TULP4: variants seen among roughly 807,000 people sequenced by gnomAD.
TULP4 encodes tubby-related protein 4.
TULP4 carries 16 observed loss-of-function variants against 129.0 expected under a neutral mutation model. The observed-to-expected ratio is 0.12, with a 90% CI of 0.08 to 0.19. The LOEUF is 0.19. Among genes scored for constraint, TULP4 ranks in the 10% least tolerant of loss-of-function variants. The pLI is 1.00. For synonymous variants in TULP4, 998 were observed against 854.0 expected (o/e 1.17, Z -2.94); for missense variants, 1,842 against 2,059.1 (o/e 0.89, Z 2.04).
chr6:158,498,730 A>G lies in TULP4; in HGVS notation c.1932A>G (p.Glu644=), dbSNP rs777836825. 10 of 1,614,264 alleles carry G rather than the reference A, an allele frequency of 6.2e-6. No homozygotes were observed. Among genetic ancestry groups the G allele is most frequent in the Non-Finnish European group, 8.5e-6 (10 of 1,180,042 alleles). The change falls in exon 12 of 14, where the codon GAA becomes GAG. Residue 644 remains glutamate, a synonymous_variant. Transcript: ENST00000367097. ...GGCAGATGACCATTTATCTCCCAGAAGTTCGGAAAATTTCCATGGACTATA... is the reference window on the plus strand; with the variant it reads ...GGCAGATGACCATTTATCTCCCAGAGGTTCGGAAAATTTCCATGGACTATA... ...QPRQMTIYLP[E]VRKISMDYIN...
chr6:158,255,554 T>G (rs1244328946), intron 1 of TULP4, among the ~76,000 whole-genome samples: 1 of 152,154 alleles, frequency 6.6e-6, no homozygotes, highest in African/African-American at 2.4e-5. Flanking sequence ...ACTCTAAGAA[T>G]GGTGGCCTTT....
intron 1 of TULP4, among the ~76,000 whole-genome samples, chr6:158,347,802 C>A (rs1343744760): frequency 6.6e-6 from 1 of 152,154 alleles, no homozygotes; most frequent in African/African-American, 2.4e-5. Flanking sequence ...ACAAGTTATC[C>A]CTTCTCCACC....
intron 3 of TULP4, among the ~76,000 whole-genome samples, chr6:158,430,986 T>C (rs536948252): frequency 2.0e-4 from 31 of 152,240 alleles, no homozygotes; most frequent in African/African-American, 5.3e-4. Flanking sequence ...TTTCCATTTT[T>C]CAAGTAAAAA....
intron 1 of TULP4, among the ~76,000 whole-genome samples, chr6:158,285,280 AT>A (rs1432112185): frequency 6.6e-6 from 1 of 152,098 alleles, no homozygotes; most frequent in Non-Finnish European, 1.5e-5. Flanking sequence ...TTTATAACAA[AT>A]AATATGTTGT....
chr6:158,492,870 A>T (rs1441360777), intron 9 of TULP4, among the ~76,000 whole-genome samples: 2 of 152,222 alleles, frequency 1.3e-5, no homozygotes, highest in African/African-American at 2.4e-5. Context: ...TGTTACAAAT[A>T]AAGGGACTGA....
intron 1 of TULP4, among the ~76,000 whole-genome samples, chr6:158,274,637 T>C (rs985265745): frequency 8.6e-5 from 13 of 151,488 alleles, no homozygotes; most frequent in East Asian, 2.0e-4. Context: ...ATCAGCCGGG[T>C]GTGGTGGCGG....
At chr6:158,383,256 G>A (rs1216699821) in intron 1 of TULP4, among the ~76,000 whole-genome samples, 3 of 152,146 alleles carry the variant, frequency 2.0e-5, no homozygotes, top group African/African-American at 7.2e-5. Flanking sequence ...AGCTCCACCT[G>A]CCCAGTACAC....
chr6:158,477,202 T>C (rs1198038529), intron 6 of TULP4, among the ~76,000 whole-genome samples: 1 of 152,174 alleles, frequency 6.6e-6, no homozygotes, highest in Non-Finnish European at 1.5e-5. Context: ...GGTACAAAGA[T>C]ATAAGAGACA....
chr6:158,390,557 G>A lies in TULP4; in HGVS notation c.253-22508G>A, dbSNP rs1391135097. On this transcript the variant is annotated intron_variant, in intron 1 of 13. Transcript: ENST00000367097. Reference sequence around the variant, plus strand: ...TTTCAGAGGCCATTTATAGAGCGTGGTCCATACAAGAGTCTCCTAGATAAG... The same window carrying A: ...TTTCAGAGGCCATTTATAGAGCGTGATCCATACAAGAGTCTCCTAGATAAG... 2.6e-5 allele frequency among the ~76,000 whole-genome samples: 4 copies of A among 152,118 alleles called. No homozygotes were observed. In the South Asian group the frequency reaches 6.2e-4, roughly 24 times the overall value.
intron 1 of TULP4, among the ~76,000 whole-genome samples, chr6:158,297,418 G>A (rs1269533886): frequency 2.6e-5 from 4 of 152,048 alleles, no homozygotes; most frequent in South Asian, 4.1e-4. Flanking sequence ...TACAGTTAAC[G>A]CAATCATCAC....
chr6:158,423,408 G>A (rs1282389932), intron 2 of TULP4, among the ~76,000 whole-genome samples: 1 of 152,128 alleles, frequency 6.6e-6, no homozygotes, highest in Non-Finnish European at 1.5e-5. Flanking sequence ...ACAATGTAGA[G>A]CATATTTCAA....
chr6:158,331,321 C>G (rs182918748), intron 1 of TULP4, among the ~76,000 whole-genome samples: 30 of 152,230 alleles, frequency 2.0e-4, no homozygotes, highest in African/African-American at 6.3e-4. Context: ...TGTTCCCTAT[C>G]CACCCACCTA....
intron 1 of TULP4, among the ~76,000 whole-genome samples, chr6:158,403,275 C>T (rs1366502973): frequency 6.6e-6 from 1 of 152,174 alleles, no homozygotes; most frequent in East Asian, 1.9e-4. Flanking sequence ...CCTTCCCAAG[C>T]TGCAGTCTGT....
chr6:158,503,782 C>T lies in TULP4; in HGVS notation c.4119C>T (p.Ser1373=), dbSNP rs141694101. The T allele has an allele frequency of 1.2e-6, 2 of 1,614,000 alleles. No individual in the cohort carries two copies. The highest frequency in any genetic ancestry group is 1.6e-4 in the Middle Eastern group (1 of 6,084). ...TGAGTGACTTTAATTCCCTAATCTC[C>T]AGCCCACACCTGGGGAGAGAGAAGA... is the stretch of plus-strand genomic sequence containing the variant. ...RTLSDFNSLI[S]SPHLGREKKK... The change falls in exon 13 of 14, where the codon TCC becomes TCT. Residue 1373 remains serine, a synonymous_variant. Transcript: ENST00000367097. The surrounding 1 kb of genome is among the most constrained non-coding windows in gnomAD (Gnocchi z 4.3).
rs1234605828 is a variant in TULP4 at position 158,502,318 on chromosome 6, T to C, written c.2655T>C (p.Tyr885=). The part of the protein sequence containing the change: ...TSVHYQTPLG[Y]ERITTFDSSG... ...TGCACTACCAGACCCCCCTGGGCTA[T>C]GAGAGGATCACCACCTTCGACAGCA... Residue 885 remains tyrosine (Y), a synonymous_variant, in exon 13 of 14, where the codon TAT becomes TAC. Coordinates refer to ENST00000367097, the MANE Select transcript of TULP4 (RefSeq NM_020245.5). 2 of 1,612,960 alleles carry C rather than the reference T, an allele frequency of 1.2e-6. No homozygotes were observed. The highest frequency in any genetic ancestry group is 3.3e-5 in the Admixed American group (2 of 59,966).
intron 1 of TULP4, among the ~76,000 whole-genome samples, chr6:158,385,842 C>CTT (rs778595442): frequency 0.058 from 3,462 of 59,540 alleles, 618 homozygotes; most frequent in Non-Finnish European, 0.066. Context: ...TGTGGAATAT[C>CTT]TTTTTTTTTT....
intron 4 of TULP4, 81 bp from the exon 5 acceptor site, chr6:158,452,053 C>A (rs987848854): frequency 1.3e-6 from 2 of 1,573,014 alleles, no homozygotes; most frequent in Non-Finnish European, 1.7e-6. Context: ...TTCTAAGGCA[C>A]CATGCAAGAT....
At chr6:158,452,398 T>A (rs1339187387) in intron 5 of TULP4, 130 bp downstream of exon 5, 2 of 1,245,452 alleles carry the variant, frequency 1.6e-6, no homozygotes, top group Non-Finnish European at 2.2e-6. Flanking sequence ...CTTCATGGAG[T>A]CTGTTAACTA....
intron 1 of TULP4, among the ~76,000 whole-genome samples, chr6:158,319,033 A>G (rs890284930): frequency 9.9e-5 from 15 of 151,954 alleles, no homozygotes; most frequent in African/African-American, 3.6e-4. Context: ...GGTGAGAGCC[A>G]CTGTGCCCAG....
Sources: allele counts gnomAD v4.1 joint callset (sites outside exome capture counted in the v4.1 genomes callset), GRCh38; gene constraint gnomAD v4.1.1; non-coding constraint Gnocchi (gnomAD v3.1); transcripts MANE v1.5; gene names NCBI Gene and HGNC (gene_info 2026-07-23, HGNC 2026-07-21).